The following ZNF804A variants were observed in gnomAD, a reference collection of about 807,000 sequenced individuals.
ZNF804A encodes zinc finger protein 804A.
Under a neutral mutation model 16.5 loss-of-function variants are expected in ZNF804A, and 2 were observed. That is an observed-to-expected ratio of 0.12 (90% CI 0.05 to 0.38). The LOEUF is 0.38. Among genes scored for constraint, ZNF804A ranks in the 10% least tolerant of loss-of-function variants. The pLI, the probability that ZNF804A is intolerant of heterozygous loss-of-function variation, is 0.99. For missense variants in ZNF804A, 1,473 were observed against 1,390.7 expected, an observed-to-expected ratio of 1.06 and a Z score of -0.94; for synonymous variants, 534 against 489.6, an observed-to-expected ratio of 1.09 and a Z score of -1.20.
intron 1 of ZNF804A, among the ~76,000 whole-genome samples, chr2:184,704,443 A>G (rs1692986339): frequency 6.6e-6 from 1 of 152,140 alleles, no homozygotes; most frequent in African/African-American, 2.4e-5. Context: ...AAAAGAGGTT[A>G]AAAAGAATAT....
intron 1 of ZNF804A, among the ~76,000 whole-genome samples, chr2:184,621,900 C>A (rs536798324): frequency 4.0e-5 from 6 of 151,880 alleles, no homozygotes; most frequent in African/African-American, 1.2e-4. Flanking sequence ...TGACTGCAAT[C>A]TGCAATGAAA....
intron 1 of ZNF804A, among the ~76,000 whole-genome samples, chr2:184,795,741 T>C (rs1420541082): frequency 6.6e-6 from 1 of 152,038 alleles, no homozygotes; most frequent in Admixed American, 6.6e-5. Context: ...ACAGGATATA[T>C]TACAACTAAC....
intron 1 of ZNF804A, among the ~76,000 whole-genome samples, chr2:184,698,103 T>C (rs939098060): frequency 6.6e-6 from 1 of 152,040 alleles, no homozygotes; most frequent in Non-Finnish European, 1.5e-5. Flanking sequence ...TAGAGGTTTT[T>C]CCAGTAAAAT....
At chr2:184,660,719 G>A (rs1205164418) in intron 1 of ZNF804A, among the ~76,000 whole-genome samples, 1 of 152,258 alleles carries the variant, frequency 6.6e-6, no homozygotes, top group African/African-American at 2.4e-5. Context: ...TCTGGAATAT[G>A]AAGGAGGAAT....
chr2:184,915,831 C>T (rs1685440456), intron 2 of ZNF804A, among the ~76,000 whole-genome samples: 1 of 152,040 alleles, frequency 6.6e-6, no homozygotes, highest in Non-Finnish European at 1.5e-5. Context: ...GAGAAAAATC[C>T]AAATGATACA....
chr2:184,873,989 G>A (rs1329180074), intron 2 of ZNF804A, among the ~76,000 whole-genome samples: 1 of 152,088 alleles, frequency 6.6e-6, no homozygotes, highest in Non-Finnish European at 1.5e-5. Context: ...AACAATATTT[G>A]TAAATTAATT....
chr2:184,907,063 A>G (rs4666995), intron 2 of ZNF804A, among the ~76,000 whole-genome samples: 113,863 of 152,068 alleles, frequency 0.75, 42,843 homozygotes, highest in East Asian at 0.86. Context: ...AAGCTCAGAA[A>G]CAGATATTTC....
intron 1 of ZNF804A, among the ~76,000 whole-genome samples, chr2:184,651,325 A>G (rs1691979787): frequency 6.6e-6 from 1 of 152,184 alleles, no homozygotes; most frequent in South Asian, 2.1e-4. Context: ...GTAAGACCTC[A>G]AATTTTAAGA....
chr2:184,799,702 AT>A (rs764064977), intron 1 of ZNF804A, among the ~76,000 whole-genome samples: 12 of 151,264 alleles, frequency 7.9e-5, no homozygotes, highest in African/African-American at 2.9e-4. Flanking sequence ...ATTTTTATTT[AT>A]TTTTTTCTTT....
At chr2:184,665,423 G>T (rs896892555) in intron 1 of ZNF804A, among the ~76,000 whole-genome samples, 1 of 152,154 alleles carries the variant, frequency 6.6e-6, no homozygotes, top group East Asian at 1.9e-4. Context: ...TCTACAGAAA[G>T]AACTCATAAA....
intron 1 of ZNF804A, among the ~76,000 whole-genome samples, chr2:184,830,717 C>A (rs1190263206): frequency 6.6e-6 from 1 of 152,020 alleles, no homozygotes; most frequent in Non-Finnish European, 1.5e-5. Context: ...AGTATCTAGT[C>A]ACCAAACTTT....
At chr2:184,689,174 T>C (rs1692690152) in intron 1 of ZNF804A, among the ~76,000 whole-genome samples, 1 of 152,170 alleles carries the variant, frequency 6.6e-6, no homozygotes, top group Non-Finnish European at 1.5e-5. Flanking sequence ...CCTCTGACAG[T>C]CTGAGCATCT....
chr2:184,759,890 AG>A (rs1694016477), intron 1 of ZNF804A, among the ~76,000 whole-genome samples: 1 of 152,022 alleles, frequency 6.6e-6, no homozygotes, highest in African/African-American at 2.4e-5. Flanking sequence ...CCTATAAAAC[AG>A]CCCCACCTCT....
intron 1 of ZNF804A, among the ~76,000 whole-genome samples, chr2:184,750,641 A>G (rs1211823257): frequency 6.6e-6 from 1 of 151,398 alleles, no homozygotes; most frequent in Non-Finnish European, 1.5e-5. Flanking sequence ...AATCTCCAAA[A>G]GTTTTCTCCC....
intron 2 of ZNF804A, among the ~76,000 whole-genome samples, chr2:184,900,485 C>T (rs914576897): frequency 6.6e-6 from 1 of 152,070 alleles, no homozygotes; most frequent in African/African-American, 2.4e-5. Flanking sequence ...TACAATTTGG[C>T]AGGGGAATAA....
intron 1 of ZNF804A, among the ~76,000 whole-genome samples, chr2:184,810,985 C>T (rs1019485017): frequency 3.9e-5 from 6 of 152,106 alleles, no homozygotes; most frequent in African/African-American, 1.4e-4. Context: ...ATCATTTCCA[C>T]GCTCAACATT....
chr2:184,807,372 A>G (rs1694823062), intron 1 of ZNF804A, among the ~76,000 whole-genome samples: 1 of 151,884 alleles, frequency 6.6e-6, no homozygotes, highest in Admixed American at 6.6e-5. Flanking sequence ...AAAGAAAGAA[A>G]TGAAAGGGGG....
intron 1 of ZNF804A, among the ~76,000 whole-genome samples, chr2:184,672,253 C>T (rs1692349233): frequency 6.6e-6 from 1 of 152,096 alleles, no homozygotes; most frequent in African/African-American, 2.4e-5. Flanking sequence ...ATGGTCCTAA[C>T]AGTTTCAGAA....
chr2:184,922,633 A>G (rs1228070823), intron 2 of ZNF804A, among the ~76,000 whole-genome samples: 1 of 151,656 alleles, frequency 6.6e-6, no homozygotes, highest in African/African-American at 2.4e-5. Flanking sequence ...GTTTCCTTTG[A>G]TTGTCTGGGT....
Sources: gnomAD v4.1 joint callset for allele counts (sites outside exome capture counted in the v4.1 genomes callset) on GRCh38, gnomAD v4.1.1 for gene constraint, MANE v1.5 for transcripts, NCBI Gene and HGNC (gene_info 2026-07-23, HGNC 2026-07-21) for gene names.